KAT2B: variants seen among roughly 807,000 people sequenced by gnomAD.
The protein encoded by KAT2B is lysine acetyltransferase 2B, also known as histone acetyltransferase KAT2B.
Under a neutral mutation model 105.9 loss-of-function variants are expected in KAT2B, and 36 were observed. That is an observed-to-expected ratio of 0.34 (90% CI 0.26 to 0.45). The LOEUF is 0.45. Among genes scored for constraint, KAT2B ranks in the 20% least tolerant of loss-of-function variants. KAT2B has a pLI of 1.00. For missense variants in KAT2B, 820 were observed against 1,021.6 expected (o/e 0.80, Z 2.69); for synonymous variants, 397 against 377.9 (o/e 1.05, Z -0.59).
chr3:20,087,408 TTATC>T (rs1698640071), intron 2 of KAT2B, among the ~76,000 whole-genome samples: 1 of 151,738 alleles, frequency 6.6e-6, no homozygotes, highest in African/African-American at 2.4e-5. Flanking sequence ...ATGTATATAT[TTATC>T]GTGTATAATG....
chr3:20,115,585 G>T (rs6771941), intron 7 of KAT2B, among the ~76,000 whole-genome samples: 33,156 of 152,056 alleles, frequency 0.22, 3,881 homozygotes, highest in African/African-American at 0.29. Flanking sequence ...AATGCCTCCA[G>T]CAAAGAAAAA....
At chr3:20,121,170 A>C (rs1359381369) in intron 8 of KAT2B, among the ~76,000 whole-genome samples, 1 of 152,224 alleles carries the variant, frequency 6.6e-6, no homozygotes, top group Non-Finnish European at 1.5e-5. Context: ...TTGTAAAAAA[A>C]AGAACTCGAC....
At chr3:20,118,409 G>GA (rs1253968292) in intron 7 of KAT2B, among the ~76,000 whole-genome samples, 1 of 148,908 alleles carries the variant, frequency 6.7e-6, no homozygotes, top group East Asian at 2.0e-4. Context: ...TAGAGAGAGA[G>GA]AAAAAAAGAG....
intron 2 of KAT2B, among the ~76,000 whole-genome samples, chr3:20,094,270 C>T (rs1232077569): frequency 1.3e-5 from 2 of 151,982 alleles, no homozygotes; most frequent in African/African-American, 4.8e-5. Context: ...AGAGAGCGAG[C>T]GAGCGAGGAG....
In KAT2B at chr3:20,106,927, GAATA is replaced by G. The variant is rs1291180192; in HGVS notation, c.852-4668_852-4665del. On this transcript the variant is annotated intron_variant, in intron 5 of 17. Transcript: ENST00000263754. ...ATTTTCTAGTAGCTACGTATAAAAT[GAATA>G]GATATAAGAAATTATTCTGAATTTT... 3.7e-5 allele frequency among the ~76,000 whole-genome samples: 4 copies of G among 109,240 alleles called. No homozygotes were observed. The East Asian group carries it at 1.2e-3, about 32-fold the overall frequency. The allele number at this position is 109,240 out of a possible 152,430, so 71.7% of individuals were successfully genotyped here.
At chr3:20,136,579 G>T (rs1458928136) in intron 11 of KAT2B, among the ~76,000 whole-genome samples, 5 of 151,852 alleles carry the variant, frequency 3.3e-5, no homozygotes, top group African/African-American at 1.2e-4. Flanking sequence ...TTAAAGATAA[G>T]CAGAAATTCA....
chr3:20,151,877 C>G (rs1699874853), intron 17 of KAT2B, among the ~76,000 whole-genome samples: 1 of 152,120 alleles, frequency 6.6e-6, no homozygotes, highest in South Asian at 2.1e-4. Flanking sequence ...CTATATGACA[C>G]CAAAACAACT....
intron 1 of KAT2B, among the ~76,000 whole-genome samples, chr3:20,052,292 A>G (rs542109466): frequency 3.3e-5 from 5 of 152,350 alleles, no homozygotes; most frequent in African/African-American, 1.2e-4. Flanking sequence ...GTTTTAAAAA[A>G]TGATTTCCTA....
At chr3:20,060,575 T>C (rs1420366904) in intron 1 of KAT2B, among the ~76,000 whole-genome samples, 1 of 151,832 alleles carries the variant, frequency 6.6e-6, no homozygotes, top group Admixed American at 6.6e-5. Context: ...CACTCCAGCC[T>C]GGGCAACAAG....
chr3:20,138,821 C>G (rs1699648320), intron 12 of KAT2B, among the ~76,000 whole-genome samples: 1 of 152,066 alleles, frequency 6.6e-6, no homozygotes, highest in South Asian at 2.1e-4. Flanking sequence ...TTGCTTATGG[C>G]TTTTTCTTTA....
At chr3:20,072,090 C>T (rs1357083603) in intron 1 of KAT2B, among the ~76,000 whole-genome samples, 1 of 152,160 alleles carries the variant, frequency 6.6e-6, no homozygotes, top group Non-Finnish European at 1.5e-5. Flanking sequence ...GTGTGTGGGT[C>T]AGCTGCGTGA....
intron 4 of KAT2B, 183 bp from the exon 5 acceptor site, chr3:20,101,104 G>A (rs949648439): frequency 1.6e-5 from 9 of 570,972 alleles, no homozygotes; most frequent in Admixed American, 9.3e-5. Flanking sequence ...TTCATCCACC[G>A]TGATCTGAGG....
intron 13 of KAT2B, among the ~76,000 whole-genome samples, chr3:20,143,643 C>T (rs1699731114): frequency 6.6e-6 from 1 of 152,028 alleles, no homozygotes; most frequent in Non-Finnish European, 1.5e-5. Context: ...AGGTGCCCAT[C>T]AAAGGTAGAT....
chr3:20,143,320 A>G (rs77232235), intron 13 of KAT2B, among the ~76,000 whole-genome samples: 15,215 of 152,290 alleles, frequency 0.1, 972 homozygotes, highest in Admixed American at 0.16. Context: ...GCAAGTCAAA[A>G]CCACAATGTG....
chr3:20,142,885 CTG>C (rs55845090), intron 13 of KAT2B, among the ~76,000 whole-genome samples: 67 of 139,396 alleles, frequency 4.8e-4, no homozygotes, highest in South Asian at 1.2e-3. Context: ...ATCTATGTGC[CTG>C]TGTGTGTGTG....
intron 5 of KAT2B, 68 bp downstream of exon 5, chr3:20,101,536 C>A: frequency 7.9e-7 from 1 of 1,269,644 alleles, no homozygotes; most frequent in Non-Finnish European, 1.1e-6. Flanking sequence ...TTGTACTTGA[C>A]TCTATAAGTA....
intron 7 of KAT2B, 37 bp downstream of exon 7, chr3:20,115,025 G>A: frequency 7.6e-7 from 1 of 1,313,210 alleles, no homozygotes; most frequent in South Asian, 1.2e-5. Context: ...GAACAACCAG[G>A]GAGGCCAACC....
At chr3:20,096,239 C>T (rs1698808445) in intron 3 of KAT2B, among the ~76,000 whole-genome samples, 1 of 152,148 alleles carries the variant, frequency 6.6e-6, no homozygotes, top group Non-Finnish European at 1.5e-5. Flanking sequence ...CTCACTGACA[C>T]CAGTCACCGA....
intron 11 of KAT2B, among the ~76,000 whole-genome samples, chr3:20,135,421 G>A (rs1230471454): frequency 2.0e-5 from 3 of 152,130 alleles, no homozygotes; most frequent in East Asian, 1.9e-4. Flanking sequence ...TTGGGAGGCC[G>A]AGACGGGCAG....
Sources: allele counts gnomAD v4.1 joint callset (sites outside exome capture counted in the v4.1 genomes callset), GRCh38; gene constraint gnomAD v4.1.1; transcripts MANE v1.5; gene names NCBI Gene and HGNC (gene_info 2026-07-23, HGNC 2026-07-21).